Variants in NRCAM observed in about 807,000 individuals in gnomAD.
NRCAM encodes the protein NgCAM-related cell adhesion molecule.
A neutral mutation model predicts 156.5 loss-of-function variants in NRCAM; 83 were observed. That is an observed-to-expected ratio of 0.53 (90% CI 0.44 to 0.64). The LOEUF is 0.64. Ranked by LOEUF, NRCAM falls within the 30% of genes least tolerant of loss-of-function variation. NRCAM has a pLI of 0.00. For missense variants in NRCAM, 1,417 were observed against 1,597.3 expected (o/e 0.89, Z 1.92); for synonymous variants, 538 against 563.9 (o/e 0.95, Z 0.65).
intron 20 of NRCAM, among the ~76,000 whole-genome samples, chr7:108,186,369 T>C (rs921789879): frequency 2.0e-5 from 3 of 152,156 alleles, no homozygotes; most frequent in African/African-American, 4.8e-5. Flanking sequence ...AACTGGATAG[T>C]ACCAAAACTA....
intron 11 of NRCAM, among the ~76,000 whole-genome samples, chr7:108,210,789 T>C (rs1228131492): frequency 6.6e-6 from 1 of 152,218 alleles, no homozygotes. Flanking sequence ...TACTGAACTA[T>C]ACACCAAGCA....
intron 2 of NRCAM, among the ~76,000 whole-genome samples, chr7:108,394,201 G>C (rs997232715): frequency 2.0e-5 from 3 of 152,182 alleles, no homozygotes; most frequent in African/African-American, 7.2e-5. Flanking sequence ...ATCCCCAAAA[G>C]GAAGGACCTA....
intron 3 of NRCAM, among the ~76,000 whole-genome samples, chr7:108,255,490 T>G (rs1050081220): frequency 5.9e-5 from 9 of 152,056 alleles, no homozygotes; most frequent in African/African-American, 1.7e-4. Flanking sequence ...CAGGCTGGAG[T>G]GCAGTGGCGT....
At chr7:108,288,088 C>T (rs2098164775) in intron 3 of NRCAM, among the ~76,000 whole-genome samples, 1 of 152,096 alleles carries the variant, frequency 6.6e-6, no homozygotes, top group Non-Finnish European at 1.5e-5. Context: ...TCTTTTGCAG[C>T]AGAATGGATT....
intron 3 of NRCAM, among the ~76,000 whole-genome samples, chr7:108,276,426 G>A (rs1437710555): frequency 2.0e-5 from 3 of 152,168 alleles, no homozygotes; most frequent in Admixed American, 6.5e-5. Context: ...CCTGTATTGG[G>A]TGCATATATA....
At chr7:108,154,785 T>C (rs548423382) in intron 32 of NRCAM, among the ~76,000 whole-genome samples, 6 of 152,230 alleles carry the variant, frequency 3.9e-5, no homozygotes, top group African/African-American at 1.4e-4. Context: ...AGCATACATG[T>C]CCATCTCCCA....
intron 11 of NRCAM, among the ~76,000 whole-genome samples, chr7:108,212,811 T>C (rs1563476328): frequency 6.6e-6 from 1 of 152,090 alleles, no homozygotes; most frequent in East Asian, 1.9e-4. Flanking sequence ...ATCTAAAAGT[T>C]TGGAAAACAC....
chr7:108,412,077 T>C (rs1031284552), intron 1 of NRCAM, among the ~76,000 whole-genome samples: 2 of 152,204 alleles, frequency 1.3e-5, no homozygotes, highest in African/African-American at 4.8e-5. Flanking sequence ...CCAAAAAGGC[T>C]ATTATGATTT....
intron 11 of NRCAM, among the ~76,000 whole-genome samples, chr7:108,219,652 C>T (rs189798873): frequency 6.6e-6 from 1 of 152,104 alleles, no homozygotes; most frequent in Non-Finnish European, 1.5e-5. Flanking sequence ...ATCCAGCATC[C>T]CTTTATTATT....
chr7:108,292,017 A>G (rs1327174554), intron 3 of NRCAM, among the ~76,000 whole-genome samples: 2 of 152,244 alleles, frequency 1.3e-5, no homozygotes, highest in Non-Finnish European at 2.9e-5. Flanking sequence ...TAAACAGTGC[A>G]GGGTGCTGCT....
intron 1 of NRCAM, among the ~76,000 whole-genome samples, chr7:108,417,640 G>T (rs978459940): frequency 1.3e-5 from 2 of 152,184 alleles, no homozygotes; most frequent in African/African-American, 4.8e-5. Flanking sequence ...ATGTCATAAT[G>T]AGCTATAATT....
chr7:108,350,547 C>T (rs1264371714), intron 2 of NRCAM, among the ~76,000 whole-genome samples: 1 of 152,180 alleles, frequency 6.6e-6, no homozygotes, highest in African/African-American at 2.4e-5. Context: ...TAAACCACCT[C>T]CCGAAGCTTG....
chr7:108,168,877 G>A (rs1026742128), intron 28 of NRCAM, among the ~76,000 whole-genome samples: 8 of 152,174 alleles, frequency 5.3e-5, no homozygotes, highest in African/African-American at 1.9e-4. Context: ...GTGTGACAGA[G>A]AATGCCCCTT....
intron 2 of NRCAM, among the ~76,000 whole-genome samples, chr7:108,314,287 A>G (rs1315591568): frequency 6.6e-6 from 1 of 152,118 alleles, no homozygotes; most frequent in East Asian, 1.9e-4. Context: ...TGTTACATTC[A>G]TTACTCTTGT....
intron 28 of NRCAM, 120 bp from the exon 29 acceptor site, chr7:108,168,522 A>T (rs381828): frequency 2.2e-6 from 2 of 907,966 alleles, no homozygotes; most frequent in Non-Finnish European, 2.9e-6. Context: ...TTTACTGCTA[A>T]AATTTAGGGT....
chr7:108,303,442 T>A (rs2300015), intron 3 of NRCAM, among the ~76,000 whole-genome samples: 36,874 of 152,120 alleles, frequency 0.24, 4,971 homozygotes, highest in Middle Eastern at 0.3. Flanking sequence ...TTATCATCTC[T>A]AGCCTCCTAC....
chr7:108,148,237 T>G lies in NRCAM; in HGVS notation c.*1673A>C, dbSNP rs1297813236. 6.6e-6 allele frequency: 1 copy of G among 152,648 alleles called. No homozygotes were observed. The highest frequency in any genetic ancestry group is 1.5e-5 in the Non-Finnish European group (1 of 68,034). 9.5% of individuals were successfully genotyped at this position (152,648 alleles called of 1,614,324 possible). On this transcript the variant is annotated 3_prime_UTR_variant, in exon 33 of 33. Transcript: ENST00000379028. The stretch of plus-strand genomic sequence containing the variant: ...GGGGGAGGGGGGAACCCAATAGATA[T>G]TTAAGTAGATGCTTTCCAATCCCAT...
At chr7:108,427,349 G>C (rs1361397846) in intron 1 of NRCAM, among the ~76,000 whole-genome samples, 1 of 152,198 alleles carries the variant, frequency 6.6e-6, no homozygotes, top group Non-Finnish European at 1.5e-5. Flanking sequence ...AACACTCCCT[G>C]TGCCTCCGAC....
At chr7:108,234,769 C>T (rs770434192) in intron 5 of NRCAM, 81 bp from the exon 6 acceptor site, 18 of 960,026 alleles carry the variant, frequency 1.9e-5, no homozygotes, top group Admixed American at 1.0e-4. Flanking sequence ...GTATCAAAAT[C>T]ACTTACCTTA....
Sources: gnomAD v4.1 joint callset for allele counts (sites outside exome capture counted in the v4.1 genomes callset) on GRCh38, gnomAD v4.1.1 for gene constraint, MANE v1.5 for transcripts, NCBI Gene and HGNC (gene_info 2026-07-23, HGNC 2026-07-21) for gene names.